Variants in TG observed in about 807,000 individuals in gnomAD.
TG encodes thyroglobulin.
Under a neutral mutation model 324.7 loss-of-function variants are expected in TG, and 270 were observed. The observed-to-expected ratio is 0.83, with a 90% CI of 0.75 to 0.92. The LOEUF (loss-of-function observed/expected upper bound fraction) is 0.92, where lower values mean the gene tolerates loss of function less well. Among genes scored for constraint, TG ranks in the 40% least tolerant of loss-of-function variants. The pLI, the probability that TG is intolerant of heterozygous loss-of-function variation, is 0.00. For synonymous variants in TG, 1,401 were observed against 1,327.0 expected (o/e 1.06, Z -1.21); for missense variants, 3,591 against 3,456.4 (o/e 1.04, Z -0.98).
chr8:133,020,870 A>G (rs1835497642), intron 39 of TG, among the ~76,000 whole-genome samples: 1 of 152,206 alleles, frequency 6.6e-6, no homozygotes, highest in African/African-American at 2.4e-5. Flanking sequence ...GTCCTCAGGC[A>G]GTGTTTGCTC....
At position 132,972,391 on chromosome 8, in the gene TG, G is replaced by C. The variant is rs1444736245; in HGVS notation, c.6056-207G>C. ...GCACATGTTAGGTGCTTGATAAGTA[G>C]CTCTATCCCTTTGCTCTTAGATCAG... On this transcript the variant is annotated intron_variant, in intron 33 of 47. Coordinates refer to ENST00000220616, the MANE Select transcript of TG (RefSeq NM_003235.5). 1.1e-5 allele frequency: 7 copies of C among 617,652 alleles called. No individual in the cohort carries two copies. In the Admixed American group the frequency reaches 2.0e-4, roughly 18 times the overall value. 38.3% of individuals were successfully genotyped at this position (617,652 alleles called of 1,614,324 possible).
At chr8:132,959,163 G>A (rs1827393458) in intron 27 of TG, among the ~76,000 whole-genome samples, 1 of 152,136 alleles carries the variant, frequency 6.6e-6, no homozygotes, top group Non-Finnish European at 1.5e-5. Flanking sequence ...TCACCTTTGT[G>A]TCCTAGAACA....
At chr8:132,991,637 C>T (rs887708207) in intron 35 of TG, among the ~76,000 whole-genome samples, 1 of 152,298 alleles carries the variant, frequency 6.6e-6, no homozygotes, top group African/African-American at 2.4e-5. Context: ...ATCCCAGGGG[C>T]CAGCAAGACA....
chr8:132,905,941 T>C (rs1279832604), intron 16 of TG, among the ~76,000 whole-genome samples: 1 of 152,072 alleles, frequency 6.6e-6, no homozygotes, highest in East Asian at 1.9e-4. Context: ...GTAACAGATA[T>C]TCCTGGAGGC....
At chr8:132,943,548 C>G (rs547452998) in intron 26 of TG, among the ~76,000 whole-genome samples, 1 of 152,304 alleles carries the variant, frequency 6.6e-6, no homozygotes, top group African/African-American at 2.4e-5. Flanking sequence ...CCACCTGTCA[C>G]CAGCCCAGTG....
intron 40 of TG, 126 bp from the exon 41 acceptor site, chr8:133,029,695 C>T: frequency 8.8e-7 from 1 of 1,130,906 alleles, no homozygotes; most frequent in Non-Finnish European, 1.3e-6. Context: ...ACAGTCTCTA[C>T]CTGTGAGGAC....
At chr8:132,935,949 G>A (rs1823520935) in intron 25 of TG, 85 bp downstream of exon 25, 1 of 1,057,254 alleles carries the variant, frequency 9.5e-7, no homozygotes, top group African/African-American at 1.6e-5. Flanking sequence ...GTGCATGTGA[G>A]GAGGAGCCAG....
At position 133,116,642 on chromosome 8, in the gene TG, G is replaced by A. The variant is rs774758173; in HGVS notation, c.7788G>A (p.Met2596Ile). 6 of 1,614,224 alleles carry A rather than the reference G, an allele frequency of 3.7e-6. No individual in the cohort carries two copies. In the South Asian group the frequency reaches 6.6e-5, roughly 18 times the overall value. Residue 2596 changes from methionine to isoleucine, a missense_variant, in exon 45 of 48, where the codon ATG becomes ATA. Coordinates refer to ENST00000220616, the MANE Select transcript of TG (RefSeq NM_003235.5). ...DYFIICPIID[M>I]ASAWAKRARG... is the part of the protein sequence containing the mutation. ...TTATCATCTGCCCTATAATCGACAT[G>A]GCCAGTGCCTGGGCAAAGAGGGCCC... is the stretch of plus-strand genomic sequence containing the variant.
intron 41 of TG, among the ~76,000 whole-genome samples, chr8:133,041,351 T>C (rs1458142136): frequency 6.6e-6 from 1 of 152,246 alleles, no homozygotes; most frequent in African/African-American, 2.4e-5. Flanking sequence ...ACACTCAGTC[T>C]GTCACAGGGC....
intron 41 of TG, among the ~76,000 whole-genome samples, chr8:133,032,590 C>T (rs1836738064): frequency 6.6e-6 from 1 of 152,164 alleles, no homozygotes; most frequent in South Asian, 2.1e-4. Flanking sequence ...CCCAGCAGTC[C>T]TTGGGATGCA....
chr8:132,916,934 C>G (rs1360835000), intron 20 of TG, among the ~76,000 whole-genome samples: 1 of 151,726 alleles, frequency 6.6e-6, no homozygotes, highest in Non-Finnish European at 1.5e-5. Flanking sequence ...GGAATTATGC[C>G]TGCCTGCTTA....
chr8:132,979,879 C>T (rs1170188991), intron 34 of TG, among the ~76,000 whole-genome samples: 1 of 152,122 alleles, frequency 6.6e-6, no homozygotes, highest in African/African-American at 2.4e-5. Flanking sequence ...CAGAAGACTG[C>T]CCCCACTTCA....
chr8:132,931,023 C>T (rs977181480), intron 23 of TG, among the ~76,000 whole-genome samples: 14 of 152,264 alleles, frequency 9.2e-5, no homozygotes, highest in Admixed American at 2.0e-4. Context: ...GACAAAATAC[C>T]GTAGACTGGG....
chr8:132,944,209 A>C (rs1332201752), intron 26 of TG, among the ~76,000 whole-genome samples: 1 of 151,904 alleles, frequency 6.6e-6, no homozygotes, highest in African/African-American at 2.4e-5. Flanking sequence ...TTGCTCTCTT[A>C]TTATTTTGTT....
intron 31 of TG, 106 bp from the exon 32 acceptor site, chr8:132,969,352 C>T (rs1829133514): frequency 1.2e-6 from 1 of 812,950 alleles, no homozygotes; most frequent in Non-Finnish European, 2.1e-6. Flanking sequence ...TTTAATATGT[C>T]ATCTTTAATT....
intron 35 of TG, among the ~76,000 whole-genome samples, chr8:132,992,154 C>T (rs1832420157): frequency 6.6e-6 from 1 of 152,138 alleles, no homozygotes; most frequent in African/African-American, 2.4e-5. Flanking sequence ...CTACTTTGTA[C>T]CAGGCACTAA....
At chr8:132,872,971 A>T in intron 4 of TG, 91 bp from the exon 5 acceptor site, 1 of 1,380,802 alleles carries the variant, frequency 7.2e-7, no homozygotes, top group Non-Finnish European at 1.0e-6. Context: ...GCTCATCCCC[A>T]TTGCTAAGGG....
chr8:132,869,748 G>T lies in TG; in HGVS notation c.196G>T (p.Asp66Tyr). Residue 66 changes from aspartate to tyrosine, a missense_variant, in exon 3 of 48, where the codon GAC becomes TAC. Asp to Tyr is a radical substitution (Grantham distance 160). Coordinates refer to ENST00000220616, the MANE Select transcript of TG (RefSeq NM_003235.5). ...GSFQTVQCQNDGRSCWCVGAN... is the reference protein window; with the variant it reads ...GSFQTVQCQNYGRSCWCVGAN... ...CCTCAGGACTGTCCAGTGCCAGAACGACGGCCGCTCCTGCTGGTGTGTGGG... is the reference window on the plus strand; with the variant it reads ...CCTCAGGACTGTCCAGTGCCAGAACTACGGCCGCTCCTGCTGGTGTGTGGG... 2 of 1,614,194 alleles carry T rather than the reference G, an allele frequency of 1.2e-6. No homozygotes were observed. The highest frequency in any genetic ancestry group is 3.3e-5 in the Admixed American group (2 of 60,028).
intron 45 of TG, among the ~76,000 whole-genome samples, chr8:133,122,236 A>C (rs11992894): frequency 0.013 from 1,907 of 152,318 alleles, 50 homozygotes; most frequent in African/African-American, 0.044. Context: ...CCTGAAATTG[A>C]GGGCAAACTT....
Sources: allele counts gnomAD v4.1 joint callset (sites outside exome capture counted in the v4.1 genomes callset), GRCh38; gene constraint gnomAD v4.1.1; transcripts MANE v1.5; gene names NCBI Gene and HGNC (gene_info 2026-07-23, HGNC 2026-07-21).